SERP1: variants seen among roughly 807,000 people sequenced by gnomAD.
The protein encoded by SERP1 is stress-associated endoplasmic reticulum protein 1.
Under a neutral mutation model 8.8 loss-of-function variants are expected in SERP1, and 6 were observed. That is an observed-to-expected ratio of 0.68 (90% CI 0.37 to 1.35). The LOEUF (loss-of-function observed/expected upper bound fraction) is 1.35, where lower values mean the gene tolerates loss of function less well. Ranked by LOEUF, SERP1 falls within the 40% of genes most tolerant of loss-of-function variation. The probability of loss-of-function intolerance (pLI) is 0.02; values close to 1 mark genes in which losing one functional copy is unlikely to be tolerated. For synonymous variants in SERP1, 36 were observed against 28.7 expected (o/e 1.25, Z -0.81); for missense variants, 52 against 86.2 (o/e 0.60, Z 1.57).
intron 1 of SERP1, 91 bp downstream of exon 1, chr3:150,545,961 G>A: frequency 6.5e-7 from 1 of 1,539,908 alleles, no homozygotes; most frequent in Non-Finnish European, 8.9e-7. Context: ...GCCCACGGTC[G>A]GCCGGATCCG....
rs1722923878 is a variant in SERP1 at position 150,543,728 on chromosome 3, T to C, written c.*730A>G. 1 of 152,000 alleles carries C rather than the reference T, an allele frequency of 6.6e-6. No individual in the cohort carries two copies. The highest frequency in any genetic ancestry group is 2.4e-5 in the African/African-American group (1 of 41,340). The allele number at this position is 152,000 out of a possible 1,614,324, so 9.4% of individuals were successfully genotyped here. On this transcript the variant is annotated 3_prime_UTR_variant, in exon 3 of 3. Coordinates refer to ENST00000239944, the MANE Select transcript of SERP1 (RefSeq NM_014445.4). ...TGACTTCACTCCACCACGGTAGCTT[T>C]TAGTGAAACCACAGTAACTGATTAA...
At chr3:150,545,849 G>A (rs747925276) in intron 1 of SERP1, 71 bp from the exon 2 acceptor site, 10 of 1,470,926 alleles carry the variant, frequency 6.8e-6, no homozygotes, top group South Asian at 5.0e-5. Context: ...ACGCCTGCAC[G>A]CCGGTCGCCG....
At position 150,543,720 on chromosome 3, in the gene SERP1, G is replaced by GGTAGCTTTTAGTGAAACCACA. The variant is rs1331563387; in HGVS notation, c.*717_*737dup. The GGTAGCTTTTAGTGAAACCACA allele has an allele frequency of 3.3e-5, 5 of 152,162 alleles. No individual in the cohort carries two copies. Among genetic ancestry groups the GGTAGCTTTTAGTGAAACCACA allele is most frequent in the African/African-American group, 1.2e-4 (5 of 41,372 alleles). 9.4% of individuals were successfully genotyped at this position (152,162 alleles called of 1,614,324 possible). A position where few individuals can be genotyped will look rare whatever the true frequency, so the allele number is the denominator to read the frequency against. On this transcript the variant is annotated 3_prime_UTR_variant, in exon 3 of 3. Transcript: ENST00000239944. ...TCCCTGACTGACTTCACTCCACCAC[G>GGTAGCTTTTAGTGAAACCACA]GTAGCTTTTAGTGAAACCACAGTAA...
chr3:150,545,751 C>G lies in SERP1; in HGVS notation c.112G>C (p.Val38Leu). ...SRNAPEEKAS[V>L]GPWLLALFIF... ...AAGAGAGCCAATAACCAGGGTCCTA[C>G]AGACGCCTTCTCTTCGGGGGCATTT... is the stretch of plus-strand genomic sequence containing the variant. Residue 38 changes from valine to leucine, a missense_variant, in exon 2 of 3, where the codon GTA becomes CTA. Transcript: ENST00000239944. 1.9e-6 allele frequency: 3 copies of G among 1,609,286 alleles called. No homozygotes were observed. Among genetic ancestry groups the G allele is most frequent in the Non-Finnish European group, 2.5e-6 (3 of 1,177,420 alleles).
At chr3:150,545,035 A>G (rs955819163) in intron 2 of SERP1, among the ~76,000 whole-genome samples, 1 of 152,240 alleles carries the variant, frequency 6.6e-6, no homozygotes, top group African/African-American at 2.4e-5. Flanking sequence ...CTACTTCAAT[A>G]TTAACAGCTT....
Position 150,543,677 on chromosome 3 carries a change from T to C in SERP1, c.*781A>G, listed in dbSNP as rs1016358983. 3.9e-5 allele frequency: 6 copies of C among 152,684 alleles called. No individual in the cohort carries two copies. The highest frequency in any genetic ancestry group is 7.2e-5 in the African/African-American group (3 of 41,562). The allele number at this position is 152,684 out of a possible 1,614,324, so 9.5% of individuals were successfully genotyped here. A position where few individuals can be genotyped will look rare whatever the true frequency, so the allele number is the denominator to read the frequency against. ...ATTAAAATAGTTCTGGTGAAATAAATGTAACATAAACAAACCTTCCCTGAC... is the reference window on the plus strand; with the variant it reads ...ATTAAAATAGTTCTGGTGAAATAAACGTAACATAAACAAACCTTCCCTGAC... On this transcript the variant is annotated 3_prime_UTR_variant, in exon 3 of 3. Transcript: ENST00000239944.
intron 1 of SERP1, 127 bp downstream of exon 1, chr3:150,545,925 C>T (rs1559870450): frequency 7.2e-7 from 1 of 1,389,304 alleles, no homozygotes; most frequent in Non-Finnish European, 9.9e-7. Context: ...TTCGCAGACT[C>T]GGGCCCCTAC....
rs1419585723 is a variant in SERP1 at position 150,543,722 on chromosome 3, T to C, written c.*736A>G. ...CCTGACTGACTTCACTCCACCACGG[T>C]AGCTTTTAGTGAAACCACAGTAACT... On this transcript the variant is annotated 3_prime_UTR_variant, in exon 3 of 3. Coordinates refer to ENST00000239944, the MANE Select transcript of SERP1 (RefSeq NM_014445.4). 6.6e-6 allele frequency: 1 copy of C among 152,372 alleles called. No homozygotes were observed. The highest frequency in any genetic ancestry group is 2.4e-5 in the African/African-American group (1 of 41,436). 9.4% of individuals were successfully genotyped at this position (152,372 alleles called of 1,614,324 possible).
Position 150,546,198 on chromosome 3 carries a change from G to A in SERP1, c.-63C>T. 6.3e-7 allele frequency: 1 copy of A among 1,575,002 alleles called. No individual in the cohort carries two copies. The highest frequency in any genetic ancestry group is 1.1e-5 in the South Asian group (1 of 90,396). On this transcript the variant is annotated 5_prime_UTR_variant, in exon 1 of 3. Coordinates refer to ENST00000239944, the MANE Select transcript of SERP1 (RefSeq NM_014445.4). ...ACTCGCTCACTCGCCTGCCTCCTCT[G>A]GAGCCGCTGCGAGGCTCGGCTCGTG... is the stretch of plus-strand genomic sequence containing the variant.
chr3:150,545,997 G>A lies in SERP1; in HGVS notation c.84+55C>T, dbSNP rs1048804245. The A allele has an allele frequency of 1.4e-5, 23 of 1,602,596 alleles. No individual in the cohort carries two copies. In the East Asian group the frequency reaches 4.0e-4, roughly 28 times the overall value. On this transcript the variant is annotated intron_variant, in intron 1 of 2. Transcript: ENST00000239944. ...GGAGAAAACGCGACGCGGCCCCAGG[G>A]ACCCGGACTCAGCTCCGGCTGCGGA...
chr3:150,544,501 G>A lies in SERP1; in HGVS notation c.161-3C>T. On this transcript the variant is annotated splice_region_variant and splice_polypyrimidine_tract_variant and intron_variant, in intron 2 of 2. Coordinates refer to ENST00000239944, the MANE Select transcript of SERP1 (RefSeq NM_014445.4). ...ACTTTGAATAATCTGGAAAATTGCT[G>A]TAAAAAGAAAGAGCAAATATTAAAA... The A allele has an allele frequency of 6.2e-7, 1 of 1,609,670 alleles. No individual in the cohort carries two copies. Among genetic ancestry groups the A allele is most frequent in the Non-Finnish European group, 8.5e-7 (1 of 1,176,600 alleles).
rs910327279 is a variant in SERP1 at position 150,546,246 on chromosome 3, G to A, written c.-111C>T. Reference sequence around the variant, plus strand: ...GTGGTGCCCGCGCCGCCGGAGCGCCGAGGTTCTCAGGCCAGACGCTAGCTA... The same window carrying A: ...GTGGTGCCCGCGCCGCCGGAGCGCCAAGGTTCTCAGGCCAGACGCTAGCTA... On this transcript the variant is annotated 5_prime_UTR_variant, in exon 1 of 3. Coordinates refer to ENST00000239944, the MANE Select transcript of SERP1 (RefSeq NM_014445.4). 5.6e-6 allele frequency: 7 copies of A among 1,255,048 alleles called. No homozygotes were observed. In the Admixed American group the frequency reaches 7.7e-5, roughly 14 times the overall value. 77.7% of individuals were successfully genotyped at this position (1,255,048 alleles called of 1,614,324 possible). A position where few individuals can be genotyped will look rare whatever the true frequency, so the allele number is the denominator to read the frequency against.
chr3:150,543,264 C>A lies in SERP1; in HGVS notation c.*1194G>T, dbSNP rs180948296. On this transcript the variant is annotated 3_prime_UTR_variant, in exon 3 of 3. Coordinates refer to ENST00000239944, the MANE Select transcript of SERP1 (RefSeq NM_014445.4). Reference sequence around the variant, plus strand: ...AATAGCCAATACTTGCAGTTTTCAACAGTACTAGAAAACCCAAAACCTGCC... The same window carrying A: ...AATAGCCAATACTTGCAGTTTTCAAAAGTACTAGAAAACCCAAAACCTGCC... 575 of 152,598 alleles carry A rather than the reference C, an allele frequency of 3.8e-3. 2 individuals carry two copies. Among genetic ancestry groups the A allele is most frequent in the Non-Finnish European group, 3.6e-3 (245 of 68,014 alleles). The allele number at this position is 152,598 out of a possible 1,614,324, so 9.5% of individuals were successfully genotyped here.
At chr3:150,545,429 G>T in intron 2 of SERP1, 1 of 470,224 alleles carries the variant, frequency 2.1e-6, no homozygotes, top group Non-Finnish European at 3.8e-6. Context: ...GTTTTGTCCG[G>T]TCTTAACATT....
Position 150,544,143 on chromosome 3 carries a change from T to C in SERP1, c.*315A>G, listed in dbSNP as rs1319424321. 7.0e-6 allele frequency: 2 copies of C among 284,618 alleles called. No individual in the cohort carries two copies. Among genetic ancestry groups the C allele is most frequent in the South Asian group, 1.0e-4 (1 of 9,616 alleles). The allele number at this position is 284,618 out of a possible 1,614,324, so 17.6% of individuals were successfully genotyped here. A position where few individuals can be genotyped will look rare whatever the true frequency, so the allele number is the denominator to read the frequency against. ...CCCTGTCTATGCAGAGTTAGACTAA[T>C]TGTTCATACTGTTTTAATAACCACA... On this transcript the variant is annotated 3_prime_UTR_variant, in exon 3 of 3. Transcript: ENST00000239944.
In SERP1 at chr3:150,546,256, G is replaced by A. The variant is rs533331735; in HGVS notation, c.-121C>T. On this transcript the variant is annotated 5_prime_UTR_variant, in exon 1 of 3. Transcript: ENST00000239944. The stretch of plus-strand genomic sequence containing the variant: ...CGCCGCCGGAGCGCCGAGGTTCTCA[G>A]GCCAGACGCTAGCTACGGCCGCTGG... The A allele has an allele frequency of 2.5e-5, 28 of 1,139,334 alleles. No individual in the cohort carries two copies. In the African/African-American group the frequency reaches 3.7e-4, roughly 15 times the overall value. The allele number at this position is 1,139,334 out of a possible 1,614,324, so 70.6% of individuals were successfully genotyped here.
chr3:150,544,359 G>A lies in SERP1; in HGVS notation c.*99C>T. ...TGATAGGAAAGTCATTCTGAGGCAG[G>A]ATGCTTTACTGAATTGTTTTCAACC... On this transcript the variant is annotated 3_prime_UTR_variant, in exon 3 of 3. Transcript: ENST00000239944. 1 of 1,059,688 alleles carries A rather than the reference G, an allele frequency of 9.4e-7. No homozygotes were observed. Among genetic ancestry groups the A allele is most frequent in the Non-Finnish European group, 1.5e-6 (1 of 683,210 alleles). 65.6% of individuals were successfully genotyped at this position (1,059,688 alleles called of 1,614,324 possible). A position where few individuals can be genotyped will look rare whatever the true frequency, so the allele number is the denominator to read the frequency against.
At position 150,544,480 on chromosome 3, in the gene SERP1, TG is replaced by T; in HGVS notation, c.178del (p.Gln60LysfsTer22). The T allele has an allele frequency of 6.2e-7, 1 of 1,612,766 alleles. No homozygotes were observed. Among genetic ancestry groups the T allele is most frequent in the Non-Finnish European group, 8.5e-7 (1 of 1,179,120 alleles). On this transcript the variant is annotated frameshift_variant, in exon 3 of 3. Transcript: ENST00000239944. LOFTEE classifies it high-confidence loss of function. ...ACTTCACATGCCCATCCTGATACTT[TG>T]AATAATCTGGAAAATTGCTGTAAAA... The part of the protein sequence containing the change: ...VCGSAIFQII[Q>X]SIRMGM
chr3:150,546,245 C>A lies in SERP1; in HGVS notation c.-110G>T. On this transcript the variant is annotated 5_prime_UTR_variant, in exon 1 of 3. Transcript: ENST00000239944. ...CGTGGTGCCCGCGCCGCCGGAGCGC[C>A]GAGGTTCTCAGGCCAGACGCTAGCT... is the stretch of plus-strand genomic sequence containing the variant. 7.7e-7 allele frequency: 1 copy of A among 1,292,144 alleles called. No individual in the cohort carries two copies. Among genetic ancestry groups the A allele is most frequent in the Non-Finnish European group, 1.1e-6 (1 of 916,438 alleles). 80.0% of individuals were successfully genotyped at this position (1,292,144 alleles called of 1,614,324 possible).
Sources: gnomAD v4.1 joint callset for allele counts (sites outside exome capture counted in the v4.1 genomes callset) on GRCh38, gnomAD v4.1.1 for gene constraint, MANE v1.5 for transcripts, NCBI Gene and HGNC (gene_info 2026-07-23, HGNC 2026-07-21) for gene names.